FARP1: variants seen among roughly 807,000 people sequenced by gnomAD.
FARP1 encodes the protein FERM, ARHGEF and pleckstrin domain-containing protein 1.
A neutral mutation model predicts 128.8 loss-of-function variants in FARP1; 52 were observed. That is an observed-to-expected ratio of 0.40 (90% CI 0.32 to 0.51). The LOEUF (loss-of-function observed/expected upper bound fraction) is 0.51, where lower values mean the gene tolerates loss of function less well. Among genes scored for constraint, FARP1 ranks in the 20% least tolerant of loss-of-function variants. The pLI, the probability that FARP1 is intolerant of heterozygous loss-of-function variation, is 0.45. For synonymous variants in FARP1, 580 were observed against 551.8 expected, an observed-to-expected ratio of 1.05 and a Z score of -0.72; for missense variants, 1,333 against 1,367.9, an observed-to-expected ratio of 0.97 and a Z score of 0.40.
Position 98,446,138 on chromosome 13 carries a change from G to C in FARP1, c.2837G>C (p.Ser946Thr), listed in dbSNP as rs769358579. 1.2e-6 allele frequency: 2 copies of C among 1,613,976 alleles called. No homozygotes were observed. Among genetic ancestry groups the C allele is most frequent in the Non-Finnish European group, 1.7e-6 (2 of 1,179,938 alleles). The change falls in exon 25 of 27, where the codon AGC becomes ACC. Residue 946 changes from serine to threonine, a missense_variant. Physicochemically the swap from Ser to Thr is moderately conservative, Grantham distance 58. Around this residue, in one of 2 missense-constraint regions of FARP1, gnomAD observed 1,009 missense variants for 969.8 expected, o/e 1.04. Transcript: ENST00000319562. ...AACCTGCTGAGGAAATTCAAAAACA[G>C]CAACGGGTGGCAGAAGCTGTGGGTG... ...SGNLLRKFKN[S>T]NGWQKLWVVF...
intron 24 of FARP1, among the ~76,000 whole-genome samples, chr13:98,444,832 CA>C (rs1892722126): frequency 6.6e-6 from 1 of 152,178 alleles, no homozygotes; most frequent in African/African-American, 2.4e-5. Context: ...GGGAGTGTGC[CA>C]CCCTCCTTGC....
At chr13:98,281,082 T>A (rs1884914217) in intron 2 of FARP1, among the ~76,000 whole-genome samples, 1 of 152,224 alleles carries the variant, frequency 6.6e-6, no homozygotes, top group African/African-American at 2.4e-5. Flanking sequence ...CAGGTTGGGC[T>A]CAGTGGCTCA....
intron 1 of FARP1, chr13:98,203,935 T>C (rs1332221438): frequency 1.3e-5 from 2 of 152,210 alleles, no homozygotes; most frequent in South Asian, 4.1e-4. Flanking sequence ...TGAGAGCTTA[T>C]TTGGAAGTCC....
At chr13:98,372,489 T>C (rs59426178) in intron 5 of FARP1, among the ~76,000 whole-genome samples, 2,579 of 152,238 alleles carry the variant, frequency 0.017, 70 homozygotes, top group African/African-American at 0.057. Flanking sequence ...CCGTCTTCAG[T>C]TGGATCCAGC....
intron 8 of FARP1, 46 bp from the exon 9 acceptor site, chr13:98,388,337 G>A: frequency 6.9e-7 from 1 of 1,447,302 alleles, no homozygotes; most frequent in Non-Finnish European, 9.7e-7. Context: ...CTCCCAAGTT[G>A]CTTGTTATGC....
intron 1 of FARP1, among the ~76,000 whole-genome samples, chr13:98,185,727 T>G (rs1236419976): frequency 6.6e-6 from 1 of 151,982 alleles, no homozygotes; most frequent in Non-Finnish European, 1.5e-5. Context: ...AGATGGAGTC[T>G]CTCTCTGTCG....
Position 98,388,460 on chromosome 13 carries a change from G to C in FARP1, c.837G>C (p.Lys279Asn). ...TCAAGAGGAAGCGCTTTCTCATCAA[G>C]CTCCGGCCAGATGCCAATGTAAGTG... The part of the protein sequence containing the change: ...LSFKRKRFLI[K>N]LRPDANSAYQ... Residue 279 changes from lysine (K) to asparagine (N), a missense_variant, in exon 9 of 27, where the codon AAG (lysine) becomes AAC (asparagine). By Grantham distance (94) the Lys-to-Asn change is moderately conservative (BLOSUM62 0). Coordinates refer to ENST00000319562, the MANE Select transcript of FARP1 (RefSeq NM_005766.4). 3 of 1,613,846 alleles carry C rather than the reference G, an allele frequency of 1.9e-6. No individual in the cohort carries two copies. Among genetic ancestry groups the C allele is most frequent in the South Asian group, 2.2e-5 (2 of 91,080 alleles).
chr13:98,193,495 C>T (rs950091079), intron 1 of FARP1, among the ~76,000 whole-genome samples: 7 of 151,710 alleles, frequency 4.6e-5, no homozygotes, highest in African/African-American at 1.7e-4. Flanking sequence ...TGTCAAATTT[C>T]CTGCTGGCAT....
intron 1 of FARP1, among the ~76,000 whole-genome samples, chr13:98,194,748 CTA>C (rs1026573368): frequency 6.6e-6 from 1 of 152,182 alleles, no homozygotes; most frequent in African/African-American, 2.4e-5. Context: ...TGGAACTTCT[CTA>C]TATTCAGAAG....
At chr13:98,397,196 TTGTTA>T (rs1249366792) in intron 13 of FARP1, 2 of 152,218 alleles carry the variant, frequency 1.3e-5, no homozygotes, top group Non-Finnish European at 2.9e-5. Flanking sequence ...GTGGATCATA[TTGTTA>T]TGTTTTAAGA....
chr13:98,279,399 C>CA (rs1884824204), intron 2 of FARP1, among the ~76,000 whole-genome samples: 1 of 128,796 alleles, frequency 7.8e-6, no homozygotes, highest in African/African-American at 4.0e-5. Context: ...AAAATTTGCT[C>CA]CCCCTTGCAT....
intron 2 of FARP1, among the ~76,000 whole-genome samples, chr13:98,226,738 G>A (rs1566766014): frequency 2.6e-5 from 4 of 152,100 alleles, no homozygotes; most frequent in African/African-American, 2.4e-5. Context: ...ACTGAAGTAC[G>A]GGTGGCCATA....
chr13:98,241,414 G>C (rs79171956), intron 2 of FARP1, among the ~76,000 whole-genome samples: 4,280 of 152,224 alleles, frequency 0.028, 204 homozygotes, highest in African/African-American at 0.097. Context: ...CTCCACAACA[G>C]GCACATGGAA....
chr13:98,296,113 A>G (rs1357669959), intron 2 of FARP1, among the ~76,000 whole-genome samples: 1 of 152,144 alleles, frequency 6.6e-6, no homozygotes, highest in Admixed American at 6.5e-5. Context: ...GCATCGATAC[A>G]TTATTTTAAA....
At position 98,244,430 on chromosome 13, in the gene FARP1, A is replaced by C. The variant is rs542957998; in HGVS notation, c.171+31017A>C. On this transcript the variant is annotated intron_variant, in intron 2 of 26. Transcript: ENST00000319562. ...TGTCTCTTTATTGTTACTGTTTTTTAAAAAACAACAACAAAAAGCGCCTTT... is the reference window on the plus strand; with the variant it reads ...TGTCTCTTTATTGTTACTGTTTTTTCAAAAACAACAACAAAAAGCGCCTTT... The C allele has an allele frequency of 7.3e-5, 108 of 1,475,272 alleles. No individual in the cohort carries two copies. The Middle Eastern group carries it at 8.8e-4, about 12-fold the overall frequency. 91.4% of individuals were successfully genotyped at this position (1,475,272 alleles called of 1,614,324 possible). A position where few individuals can be genotyped will look rare whatever the true frequency, so the allele number is the denominator to read the frequency against.
chr13:98,417,031 C>A (rs1891401527), intron 16 of FARP1, among the ~76,000 whole-genome samples: 1 of 152,092 alleles, frequency 6.6e-6, no homozygotes, highest in South Asian at 2.1e-4. Flanking sequence ...CACTGAGCAG[C>A]CAAGGCTCTG....
At chr13:98,441,206 C>T (rs1035949979) in intron 24 of FARP1, among the ~76,000 whole-genome samples, 3 of 152,360 alleles carry the variant, frequency 2.0e-5, no homozygotes, top group African/African-American at 7.2e-5. Flanking sequence ...CTGTCATGTC[C>T]TGAACCGCCC....
At chr13:98,294,158 C>T (rs1376965375) in intron 2 of FARP1, among the ~76,000 whole-genome samples, 1 of 152,180 alleles carries the variant, frequency 6.6e-6, no homozygotes, top group African/African-American at 2.4e-5. Context: ...TGTGGCTTCC[C>T]TTACTCTCAT....
At chr13:98,345,327 C>T (rs1888133504) in intron 3 of FARP1, among the ~76,000 whole-genome samples, 1 of 152,030 alleles carries the variant, frequency 6.6e-6, no homozygotes, top group African/African-American at 2.4e-5. Flanking sequence ...CAGCTGAGGG[C>T]GCTAAGATTC....
Sources: allele counts gnomAD v4.1 joint callset (sites outside exome capture counted in the v4.1 genomes callset), GRCh38; gene constraint gnomAD v4.1.1; regional missense constraint gnomAD v4.1.1; transcripts MANE v1.5; gene names NCBI Gene and HGNC (gene_info 2026-07-23, HGNC 2026-07-21).